Variants in TBC1D14 observed in about 807,000 individuals in gnomAD.
The protein encoded by TBC1D14 is TBC1 domain family member 14.
TBC1D14 carries 26 observed loss-of-function variants against 79.0 expected under a neutral mutation model. That is an observed-to-expected ratio of 0.33 (90% CI 0.24 to 0.46). TBC1D14 has a LOEUF of 0.46. Among genes scored for constraint, TBC1D14 ranks in the 20% least tolerant of loss-of-function variants. The pLI is 1.00. For synonymous variants in TBC1D14, 394 were observed against 349.9 expected (o/e 1.13, Z -1.40); for missense variants, 769 against 887.6 (o/e 0.87, Z 1.70).
chr4:6,940,749 C>T (rs1449462790), intron 2 of TBC1D14, among the ~76,000 whole-genome samples: 1 of 152,160 alleles, frequency 6.6e-6, no homozygotes, highest in Non-Finnish European at 1.5e-5. Context: ...TCTGCTCTGC[C>T]TGGCCGGCTG....
At chr4:7,008,748 A>G (rs1414747033) in intron 9 of TBC1D14, among the ~76,000 whole-genome samples, 1 of 152,244 alleles carries the variant, frequency 6.6e-6, no homozygotes, top group Non-Finnish European at 1.5e-5. Flanking sequence ...CAGAAATGAC[A>G]TTTAGCACCA....
At chr4:6,927,722 C>G (rs1724404446) in intron 2 of TBC1D14, among the ~76,000 whole-genome samples, 1 of 152,118 alleles carries the variant, frequency 6.6e-6, no homozygotes, top group Non-Finnish European at 1.5e-5. Context: ...CCACGGGATG[C>G]CAGCAGCACT....
At chr4:6,998,682 G>GC (rs1248161936) in intron 5 of TBC1D14, 1 of 180,598 alleles carries the variant, frequency 5.5e-6, no homozygotes, top group Admixed American at 5.9e-5. Context: ...GGGACTACAG[G>GC]CCCCTGCCAT....
intron 2 of TBC1D14, among the ~76,000 whole-genome samples, chr4:6,964,662 C>G (rs539389436): frequency 6.6e-6 from 1 of 152,222 alleles, no homozygotes; most frequent in East Asian, 1.9e-4. Context: ...GTCGCCCAGG[C>G]TGGAGTGCAG....
intron 3 of TBC1D14, among the ~76,000 whole-genome samples, chr4:6,988,647 C>T (rs56074877): frequency 0.11 from 17,238 of 152,270 alleles, 1,465 homozygotes; most frequent in African/African-American, 0.24. Flanking sequence ...AATCTTGATA[C>T]TGCAGACAGC....
chr4:7,004,950 A>G, intron 8 of TBC1D14, 26 bp downstream of exon 8: 2 of 1,595,024 alleles, frequency 1.3e-6, no homozygotes, highest in Non-Finnish European at 8.6e-7. Flanking sequence ...AAACCAGCGG[A>G]CTGCTGTGGT....
rs371101904 is a variant in TBC1D14, at chr4:6,953,023, CTTTTTTTT to C, written c.723-14270_723-14263del. Among the ~76,000 whole-genome samples the C allele has an allele frequency of 6.2e-4, 66 of 107,104 alleles. No individual in the cohort carries two copies. The East Asian group carries it at 0.015, about 25-fold the overall frequency. The allele number at this position is 107,104 out of a possible 152,430, so 70.3% of individuals were successfully genotyped here. A position where few individuals can be genotyped will look rare whatever the true frequency, so the allele number is the denominator to read the frequency against. On this transcript the variant is annotated intron_variant, in intron 2 of 13. Transcript: ENST00000409757. Reference sequence around the variant, plus strand: ...CGCCTAGCTAACTATTTTTTTCTTTCTTTTTTTTTTTTTTTTTTCTGAGACAGAGCCTC... The same window carrying C: ...CGCCTAGCTAACTATTTTTTTCTTTCTTTTTTTTTTCTGAGACAGAGCCTC...
chr4:7,027,267 GT>G (rs1258251719), intron 13 of TBC1D14, among the ~76,000 whole-genome samples: 3 of 146,354 alleles, frequency 2.0e-5, no homozygotes, highest in Non-Finnish European at 4.5e-5. Context: ...CTGGGGGAGA[GT>G]TTTATGGCAT....
At chr4:6,963,026 G>C (rs1200993011) in intron 2 of TBC1D14, among the ~76,000 whole-genome samples, 1 of 152,212 alleles carries the variant, frequency 6.6e-6, no homozygotes, top group African/African-American at 2.4e-5. Flanking sequence ...GAAGGTGAAG[G>C]CATGTGGAGA....
chr4:7,009,828 A>G (rs1720566568), intron 9 of TBC1D14, 49 bp from the exon 10 acceptor site: 3 of 1,588,070 alleles, frequency 1.9e-6, no homozygotes, highest in Non-Finnish European at 2.6e-6. Context: ...TCGTCTGAGC[A>G]CTAACAGTAC....
At position 7,009,913 on chromosome 4, in the gene TBC1D14, G is replaced by A; in HGVS notation, c.1483G>A (p.Gly495Ser). 1 of 1,614,120 alleles carries A rather than the reference G, an allele frequency of 6.2e-7. No individual in the cohort carries two copies. Among genetic ancestry groups the A allele is most frequent in the Non-Finnish European group, 8.5e-7 (1 of 1,180,028 alleles). ...PYHDMLHSILGAYTCYRPDVG... is the reference protein window; with the variant it reads ...PYHDMLHSILSAYTCYRPDVG... ...TCATGACATGTTGCACAGTATTTTGGGCGCTTATACTTGTTACCGGCCAGA... is the reference window on the plus strand; with the variant it reads ...TCATGACATGTTGCACAGTATTTTGAGCGCTTATACTTGTTACCGGCCAGA... Residue 495 changes from glycine (G) to serine (S), a missense_variant, in exon 10 of 14, where the codon GGC becomes AGC. By Grantham distance (56) the Gly-to-Ser change is moderately conservative. Coordinates refer to ENST00000409757, the MANE Select transcript of TBC1D14 (RefSeq NM_020773.3).
intron 3 of TBC1D14, among the ~76,000 whole-genome samples, chr4:6,983,826 C>T (rs376336367): frequency 2.0e-5 from 3 of 152,314 alleles, no homozygotes; most frequent in African/African-American, 7.2e-5. Context: ...TCTTCATCCC[C>T]AATGCCTTTT....
At chr4:6,990,769 A>G (rs1718410277) in intron 3 of TBC1D14, among the ~76,000 whole-genome samples, 1 of 152,150 alleles carries the variant, frequency 6.6e-6, no homozygotes, top group African/African-American at 2.4e-5. Context: ...CTACTGTTTT[A>G]TAGCTGAGAA....
rs1376560714 is a variant in TBC1D14, at chr4:6,911,026, G to A, written c.-18+1075G>A. Among the ~76,000 whole-genome samples, 4 of 152,240 alleles carry A rather than the reference G, an allele frequency of 2.6e-5. No individual in the cohort carries two copies. The Middle Eastern group carries it at 0.01, about 388-fold the overall frequency. The stretch of plus-strand genomic sequence containing the variant: ...TGCTGTCTTGCCTAGCTTTTATAGC[G>A]GTGGGTTGCCTGTTGGAAACTGGTG... On this transcript the variant is annotated intron_variant, in intron 1 of 13. Coordinates refer to ENST00000409757, the MANE Select transcript of TBC1D14 (RefSeq NM_020773.3).
chr4:7,014,051 C>T (rs781443860), intron 11 of TBC1D14, among the ~76,000 whole-genome samples: 2 of 152,236 alleles, frequency 1.3e-5, no homozygotes, highest in Non-Finnish European at 2.9e-5. Context: ...ACCCGGCCTC[C>T]AGATACTTTT....
In TBC1D14 at chr4:7,001,600, G is replaced by T. The variant is rs534549708; in HGVS notation, c.1270+349G>T. On this transcript the variant is annotated intron_variant, in intron 7 of 13. Coordinates refer to ENST00000409757, the MANE Select transcript of TBC1D14 (RefSeq NM_020773.3). ...GGCAGGTGGTTCTTGCTGTGAGGGT[G>T]TTTATTGTACTGGGGTGTCTGTTGG... The T allele has an allele frequency of 2.8e-5, 7 of 246,076 alleles. 1 individual carries two copies. In the South Asian group the frequency reaches 3.8e-4, roughly 13 times the overall value. The allele number at this position is 246,076 out of a possible 1,614,324, so 15.2% of individuals were successfully genotyped here.
intron 12 of TBC1D14, among the ~76,000 whole-genome samples, chr4:7,022,388 G>A (rs756885518): frequency 9.2e-5 from 14 of 152,226 alleles, no homozygotes; most frequent in Admixed American, 6.5e-5. Flanking sequence ...TGTCAGGAGC[G>A]TCCCTTCACT....
At chr4:6,917,014 G>A (rs949569792) in intron 1 of TBC1D14, among the ~76,000 whole-genome samples, 3 of 152,208 alleles carry the variant, frequency 2.0e-5, no homozygotes, top group African/African-American at 4.8e-5. Flanking sequence ...TGTTGACAGC[G>A]TTCCTCACCA....
chr4:6,986,742 C>G (rs1344178413), intron 3 of TBC1D14, among the ~76,000 whole-genome samples: 1 of 152,190 alleles, frequency 6.6e-6, no homozygotes, highest in Non-Finnish European at 1.5e-5. Flanking sequence ...GACAGCGTAC[C>G]GCGCCATCTG....
Sources: allele counts gnomAD v4.1 joint callset (sites outside exome capture counted in the v4.1 genomes callset), GRCh38; gene constraint gnomAD v4.1.1; transcripts MANE v1.5; gene names NCBI Gene and HGNC (gene_info 2026-07-23, HGNC 2026-07-21).